ADCY5: variants seen among roughly 807,000 people sequenced by gnomAD.
ADCY5 encodes adenylate cyclase type 5.
In ADCY5, 30 loss-of-function variants were observed where a neutral mutation model predicts 119.7. That is an observed-to-expected ratio of 0.25 (90% CI 0.19 to 0.34). The LOEUF is 0.34. Among genes scored for constraint, ADCY5 ranks in the 10% least tolerant of loss-of-function variants. The pLI is 1.00. For synonymous variants in ADCY5, 753 were observed against 762.2 expected (o/e 0.99, Z 0.20); for missense variants, 1,324 against 1,775.2 (o/e 0.75, Z 4.57).
intron 1 of ADCY5, among the ~76,000 whole-genome samples, chr3:123,367,034 C>T (rs766930437): frequency 3.9e-5 from 6 of 152,200 alleles, no homozygotes; most frequent in Non-Finnish European, 5.9e-5. Context: ...TGCAATGCAA[C>T]GGAATGCTCA....
chr3:123,447,487 G>A lies in ADCY5; in HGVS notation c.1059C>T (p.Ser353=), dbSNP rs966121230. 15 of 1,611,478 alleles carry A rather than the reference G, an allele frequency of 9.3e-6. No individual in the cohort carries two copies. The highest frequency in any genetic ancestry group is 3.4e-6 in the Non-Finnish European group (4 of 1,179,472). ...GGTGGAGGGCGGACAGGAGCACCCC[G>A]CTGAGCACTGCGGCCCGCATGCGCA... ...LPVRMRAAVL[S]GVLLSALHLA... is the part of the protein sequence containing the mutation. Residue 353 remains serine (S), a synonymous_variant, in exon 1 of 21, where the codon AGC becomes AGT. Transcript: ENST00000462833.
chr3:123,438,630 C>A (rs9841477), intron 1 of ADCY5, among the ~76,000 whole-genome samples: 73,012 of 152,078 alleles, frequency 0.48, 18,624 homozygotes, highest in Middle Eastern at 0.61. Context: ...TCAACTGTCA[C>A]AGTACTGCAG....
At chr3:123,318,632 G>A (rs113094298) in intron 10 of ADCY5, among the ~76,000 whole-genome samples, 19 of 152,288 alleles carry the variant, frequency 1.2e-4, no homozygotes, top group African/African-American at 4.6e-4. Context: ...GGCTGGCACA[G>A]TCACCCAGAG....
intron 1 of ADCY5, among the ~76,000 whole-genome samples, chr3:123,369,886 G>C (rs1288605799): frequency 2.0e-5 from 3 of 152,208 alleles, no homozygotes; most frequent in Non-Finnish European, 4.4e-5. Context: ...CAGTCTCCCA[G>C]AAAGAAACCA....
At chr3:123,292,035 A>G (rs1207279937) in intron 17 of ADCY5, among the ~76,000 whole-genome samples, 1 of 152,114 alleles carries the variant, frequency 6.6e-6, no homozygotes. Flanking sequence ...TTTTTTGGTC[A>G]CCCACCTTCC....
chr3:123,286,969 T>G lies in ADCY5; in HGVS notation c.3533-160A>C. The G allele has an allele frequency of 1.0e-6, 1 of 975,946 alleles. No homozygotes were observed. Among genetic ancestry groups the G allele is most frequent in the Non-Finnish European group, 1.4e-6 (1 of 697,718 alleles). The allele number at this position is 975,946 out of a possible 1,614,324, so 60.5% of individuals were successfully genotyped here. A position where few individuals can be genotyped will look rare whatever the true frequency, so the allele number is the denominator to read the frequency against. On this transcript the variant is annotated intron_variant, in intron 19 of 20. Coordinates refer to ENST00000462833, the MANE Select transcript of ADCY5 (RefSeq NM_183357.3). The surrounding 1 kb of genome is among the most constrained non-coding windows in gnomAD (Gnocchi z 4.2). ...TAAACCCTGCAGCCTCCCGCTACCC[T>G]GCTCCTGTCAAATGCCTGTGAATGC...
Position 123,291,391 on chromosome 3 carries a change from C to T in ADCY5, c.3064-15G>A. ...TCCTCTGTGGCCTGAGAGAAAAAGACTGCAAGTCACCCAGATGCCAATGTG... is the reference window on the plus strand; with the variant it reads ...TCCTCTGTGGCCTGAGAGAAAAAGATTGCAAGTCACCCAGATGCCAATGTG... On this transcript the variant is annotated splice_polypyrimidine_tract_variant and intron_variant, in intron 17 of 20. Transcript: ENST00000462833. 1 of 1,599,214 alleles carries T rather than the reference C, an allele frequency of 6.3e-7. No individual in the cohort carries two copies. Among genetic ancestry groups the T allele is most frequent in the Non-Finnish European group, 8.6e-7 (1 of 1,169,140 alleles).
intron 1 of ADCY5, among the ~76,000 whole-genome samples, chr3:123,377,555 T>C (rs1943878704): frequency 6.6e-6 from 1 of 152,132 alleles, no homozygotes; most frequent in African/African-American, 2.4e-5. Flanking sequence ...TCATGACCAG[T>C]GTGATTTTCC....
At chr3:123,295,940 A>G in intron 17 of ADCY5, 144 bp downstream of exon 17, 1 of 1,198,094 alleles carries the variant, frequency 8.3e-7, no homozygotes, top group Non-Finnish European at 1.2e-6. Context: ...CAGGGCACCA[A>G]GTGGCTTCGA....
chr3:123,289,082 G>A (rs1938966634), intron 19 of ADCY5, among the ~76,000 whole-genome samples: 1 of 152,192 alleles, frequency 6.6e-6, no homozygotes, highest in East Asian at 1.9e-4. Flanking sequence ...TTTTTAAGAA[G>A]TCAGAATATA....
intron 14 of ADCY5, among the ~76,000 whole-genome samples, chr3:123,301,352 T>C (rs1939839434): frequency 6.6e-6 from 1 of 152,078 alleles, no homozygotes; most frequent in Non-Finnish European, 1.5e-5. Flanking sequence ...GGTGATTGGA[T>C]TGTGGGGGGA....
chr3:123,370,514 G>A (rs1442548977), intron 1 of ADCY5, among the ~76,000 whole-genome samples: 6 of 152,120 alleles, frequency 3.9e-5, no homozygotes, highest in Non-Finnish European at 8.8e-5. Context: ...TATCAAACAC[G>A]TTCTTCTGGG....
At chr3:123,293,009 G>A (rs964806671) in intron 17 of ADCY5, among the ~76,000 whole-genome samples, 1 of 152,214 alleles carries the variant, frequency 6.6e-6, no homozygotes, top group Admixed American at 6.5e-5. Context: ...CCCAGGGCCA[G>A]GCCAGCTGCT....
chr3:123,363,129 C>G (rs1246881476), intron 1 of ADCY5, among the ~76,000 whole-genome samples: 1 of 104,952 alleles, frequency 9.5e-6, no homozygotes, highest in African/African-American at 3.8e-5. Context: ...GGCAACAGAG[C>G]AAGATTCCTT....
At chr3:123,359,331 A>AAAATATATATATATATAT (rs1553736034) in intron 1 of ADCY5, among the ~76,000 whole-genome samples, 2 of 109,764 alleles carry the variant, frequency 1.8e-5, no homozygotes, top group African/African-American at 7.4e-5. Context: ...CTTATACTAA[A>AAAATATATATATATATAT]ATATATATAT....
chr3:123,317,075 G>C (rs1415055644), intron 11 of ADCY5, among the ~76,000 whole-genome samples: 4 of 152,074 alleles, frequency 2.6e-5, no homozygotes, highest in African/African-American at 7.2e-5. Context: ...GTGTGCATGG[G>C]TGTACATACA....
chr3:123,409,054 G>A (rs1944980022), intron 1 of ADCY5, among the ~76,000 whole-genome samples: 1 of 152,170 alleles, frequency 6.6e-6, no homozygotes, highest in Non-Finnish European at 1.5e-5. Context: ...ATAAAGTATA[G>A]AAAAGATTTA....
At position 123,302,585 on chromosome 3, in the gene ADCY5, A is replaced by G. The variant is rs115652528; in HGVS notation, c.2724+470T>C. ...TCTGCTACAGAAGCTGAGGGTCTAT[A>G]AAGTTTTGCCCTCAGATCAGGAGCA... On this transcript the variant is annotated intron_variant, in intron 14 of 20. Transcript: ENST00000462833. Among the ~76,000 whole-genome samples the G allele has an allele frequency of 3.3e-3, 499 of 152,216 alleles. 3 individuals are homozygous for G. The highest frequency in any genetic ancestry group is 0.012 in the African/African-American group (485 of 41,524).
intron 1 of ADCY5, chr3:123,419,355 G>T: frequency 7.9e-6 from 2 of 254,292 alleles, no homozygotes; most frequent in African/African-American, 2.3e-5. Context: ...CCTCTTCCTC[G>T]CTTGCCAAAT....
Sources: allele counts gnomAD v4.1 joint callset (sites outside exome capture counted in the v4.1 genomes callset), GRCh38; gene constraint gnomAD v4.1.1; non-coding constraint Gnocchi (gnomAD v3.1); transcripts MANE v1.5; gene names NCBI Gene and HGNC (gene_info 2026-07-23, HGNC 2026-07-21).